Variants in FRMPD1 observed in about 807,000 individuals in gnomAD.
The protein encoded by FRMPD1 is FERM and PDZ domain containing 1.
A neutral mutation model predicts 117.8 loss-of-function variants in FRMPD1; 76 were observed. That is an observed-to-expected ratio of 0.65 (90% CI 0.54 to 0.78). FRMPD1 has a LOEUF of 0.78. FRMPD1 is among the 30% of genes least tolerant of loss of function. The probability of loss-of-function intolerance (pLI) is 0.00; values close to 1 mark genes in which losing one functional copy is unlikely to be tolerated. For synonymous variants in FRMPD1, 783 were observed against 770.4 expected (o/e 1.02, Z -0.27); for missense variants, 1,786 against 1,964.5 (o/e 0.91, Z 1.72).
rs754502774 is a variant in FRMPD1, at chr9:37,744,628, G to A, written c.2596G>A (p.Val866Met). 31 of 1,613,920 alleles carry A rather than the reference G, an allele frequency of 1.9e-5. No homozygotes were observed. The highest frequency in any genetic ancestry group is 1.8e-4 in the Admixed American group (11 of 60,024). The change falls in exon 16 of 16, where the codon GTG (valine) becomes ATG (methionine). Residue 866 changes from valine to methionine, a missense_variant. Transcript: ENST00000377765. Reference protein sequence around the residue: ...PSASLESVDDVCYYDREPYLA... With the variant: ...PSASLESVDDMCYYDREPYLA... ...AGCCTCCCTGGAGAGTGTAGACGACGTGTGCTACTATGACAGGGAGCCCTA... is the reference window on the plus strand; with the variant it reads ...AGCCTCCCTGGAGAGTGTAGACGACATGTGCTACTATGACAGGGAGCCCTA...
chr9:37,731,293 G>A (rs1286178655), intron 9 of FRMPD1, among the ~76,000 whole-genome samples, 190 bp downstream of exon 9: 2 of 152,204 alleles, frequency 1.3e-5, no homozygotes, highest in Non-Finnish European at 2.9e-5. Context: ...TAGCAGGTGT[G>A]CGATATCAGA....
At chr9:37,683,896 G>A (rs1308785875) in intron 1 of FRMPD1, among the ~76,000 whole-genome samples, 1 of 148,866 alleles carries the variant, frequency 6.7e-6, no homozygotes, top group South Asian at 2.1e-4. Context: ...GGCTTTGGGG[G>A]GAACAACAGG....
At chr9:37,688,930 C>A (rs12552563) in intron 1 of FRMPD1, among the ~76,000 whole-genome samples, 36,823 of 151,582 alleles carry the variant, frequency 0.24, 4,643 homozygotes, top group East Asian at 0.42. Context: ...AGAATATATT[C>A]CTTCGGTTTT....
intron 5 of FRMPD1, among the ~76,000 whole-genome samples, chr9:37,718,292 C>T (rs764408978): frequency 6.6e-6 from 1 of 152,296 alleles, no homozygotes; most frequent in African/African-American, 2.4e-5. Flanking sequence ...GGTACTTTTA[C>T]ACATGGAAAC....
At chr9:37,696,038 C>A (rs1822308869) in intron 2 of FRMPD1, among the ~76,000 whole-genome samples, 1 of 142,962 alleles carries the variant, frequency 7.0e-6, no homozygotes, top group African/African-American at 2.6e-5. Context: ...GCTCACCGTT[C>A]TCCATTGTTT....
chr9:37,739,489 C>T (rs553601226), intron 14 of FRMPD1, among the ~76,000 whole-genome samples: 4 of 152,202 alleles, frequency 2.6e-5, no homozygotes, highest in Admixed American at 6.5e-5. Context: ...GAGAACCTGC[C>T]GCTGGATGAG....
the FRMPD1 span, among the ~76,000 whole-genome samples, chr9:37,611,221 A>G: frequency 6.6e-6 from 1 of 152,132 alleles, no homozygotes; most frequent in Non-Finnish European, 1.5e-5. Flanking sequence ...CTTTGTACCA[A>G]TTTGCATTCT....
chr9:37,676,768 A>G (rs951827279), intron 1 of FRMPD1, among the ~76,000 whole-genome samples: 1 of 152,204 alleles, frequency 6.6e-6, no homozygotes, highest in African/African-American at 2.4e-5. Context: ...CCATGCAGAG[A>G]TGAGCGAGAC....
chr9:37,664,818 C>T (rs1345955009), intron 1 of FRMPD1, among the ~76,000 whole-genome samples: 1 of 152,088 alleles, frequency 6.6e-6, no homozygotes, highest in Non-Finnish European at 1.5e-5. Context: ...TTAGGGGTGA[C>T]TGAGTAATTG....
chr9:37,721,798 G>T (rs1823409832), intron 6 of FRMPD1, among the ~76,000 whole-genome samples: 1 of 152,128 alleles, frequency 6.6e-6, no homozygotes, highest in African/African-American at 2.4e-5. Flanking sequence ...CAACTCAATA[G>T]AATATTATAA....
chr9:37,745,602 G>C lies in FRMPD1; in HGVS notation c.3570G>C (p.Gly1190=). 6.2e-7 allele frequency: 1 copy of C among 1,614,162 alleles called. No individual in the cohort carries two copies. Among genetic ancestry groups the C allele is most frequent in the Non-Finnish European group, 8.5e-7 (1 of 1,180,022 alleles). ...AAGGACAGAGCAGAGAACCCCCAGGGCAAGGCTGCCAGGCTCAAGAACAAA... is the reference window on the plus strand; with the variant it reads ...AAGGACAGAGCAGAGAACCCCCAGGCCAAGGCTGCCAGGCTCAAGAACAAA... The part of the protein sequence containing the change: ...DPQGQSREPP[G]QGCQAQEQKL... The change falls in exon 16 of 16, where the codon GGG becomes GGC. Residue 1190 remains glycine, a synonymous_variant. Coordinates refer to ENST00000377765, the MANE Select transcript of FRMPD1 (RefSeq NM_014907.3).
chr9:37,682,268 A>G (rs1353533165), intron 1 of FRMPD1, among the ~76,000 whole-genome samples: 2 of 152,184 alleles, frequency 1.3e-5, no homozygotes, highest in Non-Finnish European at 2.9e-5. Flanking sequence ...GATTCCCACT[A>G]TGTGGGGTTG....
At chr9:37,639,987 C>A in the FRMPD1 span, among the ~76,000 whole-genome samples, 1 of 152,226 alleles carries the variant, frequency 6.6e-6, no homozygotes, top group Non-Finnish European at 1.5e-5. Context: ...AGAACTCAGT[C>A]AGGCCAAGTA....
At chr9:37,668,372 C>T (rs1216213867) in intron 1 of FRMPD1, 1 of 152,306 alleles carries the variant, frequency 6.6e-6, no homozygotes, top group African/African-American at 2.4e-5. Flanking sequence ...CCCACATGGC[C>T]TGGCAGTCGG....
At chr9:37,657,844 C>A (rs1820886378) in intron 1 of FRMPD1, among the ~76,000 whole-genome samples, 1 of 151,992 alleles carries the variant, frequency 6.6e-6, no homozygotes, top group Non-Finnish European at 1.5e-5. Flanking sequence ...TTGTGTGGTG[C>A]AGGAATTCCC....
the FRMPD1 span, among the ~76,000 whole-genome samples, chr9:37,636,153 G>A: frequency 6.6e-6 from 1 of 152,300 alleles, no homozygotes; most frequent in East Asian, 1.9e-4. Flanking sequence ...GGGGAGAGGA[G>A]GCAGTGGGGA....
At chr9:37,667,722 A>G (rs766857697) in intron 1 of FRMPD1, among the ~76,000 whole-genome samples, 4 of 151,380 alleles carry the variant, frequency 2.6e-5, no homozygotes, top group Non-Finnish European at 2.9e-5. Context: ...CCCTGTGCTT[A>G]TTTCTTTTTC....
chr9:37,606,859 C>T, the FRMPD1 span, among the ~76,000 whole-genome samples: 10 of 152,088 alleles, frequency 6.6e-5, no homozygotes, highest in African/African-American at 1.9e-4. Flanking sequence ...CTGCAGGGAA[C>T]CATAGATGTA....
intron 4 of FRMPD1, among the ~76,000 whole-genome samples, chr9:37,710,233 C>T (rs1399163048): frequency 6.6e-6 from 1 of 152,204 alleles, no homozygotes; most frequent in East Asian, 1.9e-4. Flanking sequence ...AGTCCCTAGA[C>T]ACTTAGACAT....
Sources: allele counts gnomAD v4.1 joint callset (sites outside exome capture counted in the v4.1 genomes callset), GRCh38; gene constraint gnomAD v4.1.1; transcripts MANE v1.5; gene names NCBI Gene and HGNC (gene_info 2026-07-23, HGNC 2026-07-21).